The following SLC25A24 variants were observed in gnomAD, a reference collection of about 807,000 sequenced individuals.
The protein encoded by SLC25A24 is solute carrier family 25 member 24.
Under a neutral mutation model 60.7 loss-of-function variants are expected in SLC25A24, and 49 were observed. That is an observed-to-expected ratio of 0.81 (90% confidence interval 0.64 to 1.02). The LOEUF (loss-of-function observed/expected upper bound fraction) is 1.02. SLC25A24 is among the 50% of genes least tolerant of loss of function. The probability of loss-of-function intolerance (pLI) is 0.00; values close to 1 mark genes in which losing one functional copy is unlikely to be tolerated. For missense variants in SLC25A24, 564 were observed against 586.3 expected (o/e 0.96, Z 0.39); for synonymous variants, 202 against 200.6 (o/e 1.01, Z -0.06).
intron 3 of SLC25A24, among the ~76,000 whole-genome samples, chr1:108,169,628 G>A (rs983881555): frequency 1.3e-5 from 2 of 152,116 alleles, no homozygotes; most frequent in African/African-American, 4.8e-5. Context: ...ATAGGACAGT[G>A]TACTTCTACA....
At chr1:108,181,619 C>T (rs1364636218) in intron 3 of SLC25A24, among the ~76,000 whole-genome samples, 8 of 152,176 alleles carry the variant, frequency 5.3e-5, no homozygotes, top group Admixed American at 1.3e-4. Context: ...ATGAGTTTTA[C>T]TGTCACATTA....
At chr1:108,165,018 G>A (rs1466681909) in intron 3 of SLC25A24, among the ~76,000 whole-genome samples, 1 of 146,806 alleles carries the variant, frequency 6.8e-6, no homozygotes, top group Non-Finnish European at 1.5e-5. Context: ...GTTTCAAAGA[G>A]CGTCTTTATT....
intron 6 of SLC25A24, among the ~76,000 whole-genome samples, chr1:108,154,473 A>T (rs1482993987): frequency 2.0e-5 from 3 of 152,144 alleles, no homozygotes; most frequent in Non-Finnish European, 4.4e-5. Context: ...TCATTCATTG[A>T]CTCATTCAAC....
chr1:108,144,413 C>T (rs1679528761), intron 7 of SLC25A24, among the ~76,000 whole-genome samples: 2 of 151,968 alleles, frequency 1.3e-5, no homozygotes, highest in Admixed American at 1.3e-4. Flanking sequence ...TATTACTTTT[C>T]TTTTCTTTTG....
chr1:108,179,197 A>G (rs1647822216), intron 3 of SLC25A24, among the ~76,000 whole-genome samples: 1 of 151,994 alleles, frequency 6.6e-6, no homozygotes, highest in Admixed American at 6.6e-5. Flanking sequence ...ATATCACCTC[A>G]TACTACACTT....
chr1:108,184,920 G>C (rs185980676), intron 2 of SLC25A24, among the ~76,000 whole-genome samples: 2 of 152,256 alleles, frequency 1.3e-5, no homozygotes, highest in East Asian at 3.9e-4. Context: ...GGAGGGATTT[G>C]GTGCTGCATT....
At chr1:108,155,286 T>G in intron 5 of SLC25A24, 151 bp from the exon 6 acceptor site, 1 of 701,610 alleles carries the variant, frequency 1.4e-6, no homozygotes, top group Non-Finnish European at 2.2e-6. Context: ...ATATATATAA[T>G]GATGAGAGGG....
rs760096371 is a variant in SLC25A24 at position 108,161,236 on chromosome 1, TAAG to T, written c.453_455del (p.Phe151del). ...CCTCAATGTCTGTAACAGGATTAAA[TAAG>T]AAGTAGTCTCTCCATTCATTCCAGT... On this transcript the variant is annotated inframe_deletion, in exon 4 of 10. Transcript: ENST00000565488. 24 of 1,604,504 alleles carry T rather than the reference TAAG, an allele frequency of 1.5e-5. No individual in the cohort carries two copies. The highest frequency in any genetic ancestry group is 2.0e-5 in the Non-Finnish European group (23 of 1,171,954).
chr1:108,183,369 A>C (rs753590255), intron 2 of SLC25A24, among the ~76,000 whole-genome samples: 6 of 152,218 alleles, frequency 3.9e-5, no homozygotes, highest in Non-Finnish European at 5.9e-5. Flanking sequence ...ACTCTTAAAG[A>C]GATATGGTTA....
rs770423625 is a variant in SLC25A24, at chr1:108,137,052, T to C, written c.1250-215A>G. ...TAATGATGGTAATAATAGTTATTTA[T>C]TAATTACTATGTTCTAAATACTGGG... On this transcript the variant is annotated intron_variant, in intron 9 of 9. Coordinates refer to ENST00000565488, the MANE Select transcript of SLC25A24 (RefSeq NM_013386.5). Among the ~76,000 whole-genome samples, 53 of 152,202 alleles carry C rather than the reference T, an allele frequency of 3.5e-4. 1 individual carries two copies. The highest frequency in any genetic ancestry group is 3.5e-4 in the Non-Finnish European group (24 of 68,042).
intron 9 of SLC25A24, among the ~76,000 whole-genome samples, chr1:108,137,882 C>T (rs1188212180): frequency 1.3e-5 from 2 of 152,236 alleles, no homozygotes; most frequent in African/African-American, 4.8e-5. Context: ...ACACAAGAAA[C>T]GTGTAGTTCA....
intron 3 of SLC25A24, among the ~76,000 whole-genome samples, chr1:108,172,785 G>A (rs947402115): frequency 6.6e-6 from 1 of 152,178 alleles, no homozygotes; most frequent in Non-Finnish European, 1.5e-5. Context: ...GGAGTGACAT[G>A]AGTAACACTA....
At chr1:108,142,825 C>T (rs1263355306) in intron 8 of SLC25A24, among the ~76,000 whole-genome samples, 2 of 152,028 alleles carry the variant, frequency 1.3e-5, no homozygotes, top group African/African-American at 2.4e-5. Flanking sequence ...TTTGCTTGTA[C>T]ACTTCAAATG....
chr1:108,156,561 T>C (rs72975350), intron 5 of SLC25A24, among the ~76,000 whole-genome samples: 9,878 of 152,234 alleles, frequency 0.065, 1,088 homozygotes, highest in African/African-American at 0.23. Context: ...CTTAAAACAG[T>C]GTCAGAATCT....
chr1:108,161,223 T>C lies in SLC25A24; in HGVS notation c.469A>G (p.Thr157Ala). 5.0e-6 allele frequency: 8 copies of C among 1,598,802 alleles called. No individual in the cohort carries two copies. Among genetic ancestry groups the C allele is most frequent in the Non-Finnish European group, 6.9e-6 (8 of 1,166,632 alleles). The change falls in exon 4 of 10, where the codon ACA becomes GCA. Residue 157 changes from threonine (T) to alanine (A), a missense_variant. Physicochemically the swap from Thr to Ala is moderately conservative, Grantham distance 58. Coordinates refer to ENST00000565488, the MANE Select transcript of SLC25A24 (RefSeq NM_013386.5). ...WRDYFLFNPV[T>A]DIEEIIRFWK... ...AAACGGATAATTTCCTCAATGTCTG[T>C]AACAGGATTAAATAAGAAGTAGTCT...
intron 3 of SLC25A24, among the ~76,000 whole-genome samples, chr1:108,168,378 C>T (rs1647295966): frequency 6.6e-6 from 1 of 152,026 alleles, no homozygotes; most frequent in South Asian, 2.1e-4. Flanking sequence ...CACCCAACTC[C>T]CCACACATAA....
At chr1:108,143,114 A>G (rs770004925) in intron 8 of SLC25A24, among the ~76,000 whole-genome samples, 3 of 152,208 alleles carry the variant, frequency 2.0e-5, no homozygotes, top group Non-Finnish European at 4.4e-5. Context: ...TGTGTGCTCA[A>G]TAATTGTTTG....
rs768530289 is a variant in SLC25A24 at position 108,200,085 on chromosome 1, C to G, written c.54G>C (p.Ala18=). 1.3e-6 allele frequency: 2 copies of G among 1,581,956 alleles called. No individual in the cohort carries two copies. Among genetic ancestry groups the G allele is most frequent in the Non-Finnish European group, 1.7e-6 (2 of 1,164,794 alleles). The change falls in exon 1 of 10, where the codon GCG becomes GCC. Residue 18 remains alanine (A), a synonymous_variant. Transcript: ENST00000565488. The part of the protein sequence containing the change: ...FVLPTAACQD[A]EQPTRYETLF... ...GGGTCTCGTAGCGCGTCGGCTGCTC[C>G]GCGTCCTGGCAGGCCGCGGTGGGCA... is the stretch of plus-strand genomic sequence containing the variant.
chr1:108,168,424 A>C (rs907040756), intron 3 of SLC25A24, among the ~76,000 whole-genome samples: 1 of 152,166 alleles, frequency 6.6e-6, no homozygotes, highest in Admixed American at 6.5e-5. Context: ...TTTTAATTTC[A>C]TTCAAAGTTA....
Sources: gnomAD v4.1 joint callset for allele counts (sites outside exome capture counted in the v4.1 genomes callset) on GRCh38, gnomAD v4.1.1 for gene constraint, MANE v1.5 for transcripts, NCBI Gene and HGNC (gene_info 2026-07-23, HGNC 2026-07-21) for gene names.